The following C6orf52 variants were observed in gnomAD, a reference collection of about 807,000 sequenced individuals.
C6orf52 encodes putative uncharacterized protein C6orf52.
Under a neutral mutation model 16.6 loss-of-function variants are expected in C6orf52, and 16 were observed. The ratio of observed to expected loss-of-function variants is 0.96; its 90% CI spans 0.65 to 1.46. C6orf52 has a LOEUF of 1.46. Among genes scored for constraint, C6orf52 ranks in the 40% most tolerant of loss-of-function variants. C6orf52 has a pLI of 0.00. For missense variants in C6orf52, 166 were observed against 182.3 expected (o/e 0.91, Z 0.52); for synonymous variants, 53 against 61.4 (o/e 0.86, Z 0.64).
intron 4 of C6orf52, among the ~76,000 whole-genome samples, chr6:10,676,939 G>A (rs983302776): frequency 6.6e-6 from 1 of 152,102 alleles, no homozygotes; most frequent in Non-Finnish European, 1.5e-5. Flanking sequence ...CTTGCATAGC[G>A]TGCAAATATT....
chr6:10,694,219 C>T (rs1769630484), intron 1 of C6orf52, among the ~76,000 whole-genome samples: 1 of 147,770 alleles, frequency 6.8e-6, no homozygotes, highest in African/African-American at 2.6e-5. Flanking sequence ...GAAATCGCGC[C>T]ACCGGACTCC....
chr6:10,679,341 A>G (rs1768161290), intron 4 of C6orf52, among the ~76,000 whole-genome samples: 2 of 151,568 alleles, frequency 1.3e-5, no homozygotes, highest in South Asian at 2.1e-4. Flanking sequence ...TCAAGAGGCT[A>G]AGGCAGAAGA....
At chr6:10,672,392 A>G (rs1767510908) in intron 4 of C6orf52, among the ~76,000 whole-genome samples, 1 of 152,110 alleles carries the variant, frequency 6.6e-6, no homozygotes, top group South Asian at 2.1e-4. Flanking sequence ...TTGCCCCACA[A>G]AATTCTTCTG....
chr6:10,676,612 T>G (rs1313916678), intron 4 of C6orf52, among the ~76,000 whole-genome samples: 1 of 152,218 alleles, frequency 6.6e-6, no homozygotes, highest in Middle Eastern at 3.2e-3. Context: ...ATTTGCATAA[T>G]AAGATCAGGG....
At chr6:10,675,474 G>C (rs1014112085) in intron 4 of C6orf52, among the ~76,000 whole-genome samples, 8 of 152,166 alleles carry the variant, frequency 5.3e-5, no homozygotes, top group African/African-American at 1.9e-4. Context: ...ATTGTGAATA[G>C]TGCTGCAATA....
intron 1 of C6orf52, among the ~76,000 whole-genome samples, chr6:10,692,673 T>G (rs188653042): frequency 6.6e-6 from 1 of 152,290 alleles, no homozygotes; most frequent in African/African-American, 2.4e-5. Context: ...TCTCTTGATC[T>G]CGTCAAAGTG....
At chr6:10,673,495 A>C (rs928208532) in intron 4 of C6orf52, among the ~76,000 whole-genome samples, 1 of 152,208 alleles carries the variant, frequency 6.6e-6, no homozygotes, top group Non-Finnish European at 1.5e-5. Flanking sequence ...GTAAGGATAA[A>C]ATATACACCA....
chr6:10,693,802 C>T (rs1352699709), intron 1 of C6orf52, among the ~76,000 whole-genome samples: 1 of 152,172 alleles, frequency 6.6e-6, no homozygotes, highest in Admixed American at 6.5e-5. Flanking sequence ...GATCTCGGCT[C>T]ACTGCAGCCT....
chr6:10,686,194 A>T (rs1466061118), intron 3 of C6orf52, among the ~76,000 whole-genome samples: 1 of 152,162 alleles, frequency 6.6e-6, no homozygotes, highest in Non-Finnish European at 1.5e-5. Flanking sequence ...TCTTGCCCAG[A>T]CCATAAGTGG....
In C6orf52 at chr6:10,672,663, T is replaced by A. The variant is rs190061049; in HGVS notation, c.317-1065A>T. 2.1e-3 allele frequency: 1,427 copies of A among 671,932 alleles called. 3 individuals carry two copies. The highest frequency in any genetic ancestry group is 2.8e-3 in the Non-Finnish European group (1,037 of 374,802). The allele number at this position is 671,932 out of a possible 1,614,324, so 41.6% of individuals were successfully genotyped here. On this transcript the variant is annotated intron_variant, in intron 4 of 4. Transcript: ENST00000259983. Reference sequence around the variant, plus strand: ...TACAAAATATAAAAATAATTTTTTTTAAAAAAAGAGCAGAGAACTTGCTCA... The same window carrying A: ...TACAAAATATAAAAATAATTTTTTTAAAAAAAAGAGCAGAGAACTTGCTCA...
chr6:10,674,643 T>TC (rs1379920089), intron 4 of C6orf52: 81 of 146,676 alleles, frequency 5.5e-4, no homozygotes, highest in African/African-American at 2.1e-3. Flanking sequence ...TTCTTTCTTT[T>TC]TTTTTTTTTT....
rs746305538 is a variant in C6orf52, at chr6:10,679,579, AAC to A, written c.316+3606_316+3607del. 3.0e-3 allele frequency among the ~76,000 whole-genome samples: 389 copies of A among 127,786 alleles called. 3 individuals are homozygous for A. The highest frequency in any genetic ancestry group is 0.018 in the African/African-American group (355 of 19,226). 83.8% of individuals were successfully genotyped at this position (127,786 alleles called of 152,430 possible). ...AACTTCTAACTTGTTAAAAAAAAAA[AAC>A]AAAAAACAAAAACCATAGTCTCTGT... On this transcript the variant is annotated intron_variant, in intron 4 of 4. Coordinates refer to ENST00000259983, the MANE Select transcript of C6orf52 (RefSeq NM_001145020.3).
intron 4 of C6orf52, among the ~76,000 whole-genome samples, chr6:10,673,207 T>G (rs1190074777): frequency 6.6e-6 from 1 of 152,234 alleles, no homozygotes; most frequent in African/African-American, 2.4e-5. Flanking sequence ...TGCATGCCCC[T>G]GGTGGGGAAA....
intron 3 of C6orf52, among the ~76,000 whole-genome samples, chr6:10,685,086 C>G (rs1045731342): frequency 6.6e-6 from 1 of 152,010 alleles, no homozygotes; most frequent in Non-Finnish European, 1.5e-5. Flanking sequence ...AAAGGATGTT[C>G]ATTTCTTAAT....
At chr6:10,688,142 C>T (rs1048980563) in intron 1 of C6orf52, among the ~76,000 whole-genome samples, 3 of 151,900 alleles carry the variant, frequency 2.0e-5, no homozygotes, top group African/African-American at 4.8e-5. Context: ...TCTTCTCTTA[C>T]GCTCTACATT....
chr6:10,693,971 G>T (rs1451878238), intron 1 of C6orf52, among the ~76,000 whole-genome samples: 1 of 152,126 alleles, frequency 6.6e-6, no homozygotes, highest in Non-Finnish European at 1.5e-5. Flanking sequence ...CTCAAATGAA[G>T]GCTCTGGCCG....
intron 4 of C6orf52, among the ~76,000 whole-genome samples, chr6:10,676,961 CG>C (rs1767952330): frequency 6.6e-6 from 1 of 152,194 alleles, no homozygotes; most frequent in South Asian, 2.1e-4. Flanking sequence ...TCTCCCACTC[CG>C]TTGTCTGTCT....
intron 4 of C6orf52, among the ~76,000 whole-genome samples, chr6:10,677,826 G>A (rs1399277616): frequency 6.6e-6 from 1 of 151,858 alleles, no homozygotes; most frequent in African/African-American, 2.4e-5. Context: ...GAGACACTGT[G>A]CACTCGGTCA....
intron 4 of C6orf52, among the ~76,000 whole-genome samples, chr6:10,678,442 G>A (rs1252201419): frequency 1.3e-5 from 2 of 152,066 alleles, no homozygotes; most frequent in African/African-American, 4.8e-5. Flanking sequence ...AACAGTATTA[G>A]TGTATAGAAA....
Sources: allele counts gnomAD v4.1 joint callset (sites outside exome capture counted in the v4.1 genomes callset), GRCh38; gene constraint gnomAD v4.1.1; transcripts MANE v1.5; gene names NCBI Gene and HGNC (gene_info 2026-07-23, HGNC 2026-07-21).